Variants in NRG1 observed in about 807,000 individuals in gnomAD.
The protein encoded by NRG1 is pro-neuregulin-1, membrane-bound isoform.
Under a neutral mutation model 63.8 loss-of-function variants are expected in NRG1, and 18 were observed. The observed-to-expected ratio is 0.28, with a 90% CI of 0.19 to 0.42. NRG1 has a LOEUF of 0.42. Among genes scored for constraint, NRG1 ranks in the 10% least tolerant of loss-of-function variants. NRG1 has a pLI of 1.00. For missense variants in NRG1, 762 were observed against 814.7 expected (o/e 0.94, Z 0.79); for synonymous variants, 302 against 301.3 (o/e 1.00, Z -0.02).
At chr8:32,626,564 C>T (rs1849317476) in intron 5 of NRG1, among the ~76,000 whole-genome samples, 2 of 151,894 alleles carry the variant, frequency 1.3e-5, no homozygotes, top group Non-Finnish European at 2.9e-5. Flanking sequence ...CCTGTAGTCC[C>T]AGCTACTGGG....
At chr8:32,200,126 A>G (rs1331228690) in intron 1 of NRG1, among the ~76,000 whole-genome samples, 8 of 152,098 alleles carry the variant, frequency 5.3e-5, no homozygotes, top group African/African-American at 1.9e-4. Context: ...TTGTCTTATT[A>G]CTTTGATAAT....
chr8:32,293,207 T>C (rs922083475), intron 1 of NRG1, among the ~76,000 whole-genome samples: 3 of 152,226 alleles, frequency 2.0e-5, no homozygotes, highest in African/African-American at 7.2e-5. Flanking sequence ...TGATAAAATA[T>C]ATGATTTAGT....
At chr8:32,127,020 T>C (rs11998291) in intron 1 of NRG1, among the ~76,000 whole-genome samples, 8,656 of 151,886 alleles carry the variant, frequency 0.057, 864 homozygotes, top group African/African-American at 0.2. Context: ...ATGAAAAGTT[T>C]ATGACTAGTT....
At chr8:32,700,988 G>A (rs867715695) in intron 5 of NRG1, among the ~76,000 whole-genome samples, 3 of 151,912 alleles carry the variant, frequency 2.0e-5, no homozygotes, top group Admixed American at 1.3e-4. Context: ...AACCCAATCC[G>A]CACACCTCCC....
intron 1 of NRG1, among the ~76,000 whole-genome samples, chr8:31,695,561 C>T (rs569954164): frequency 1.3e-5 from 2 of 152,304 alleles, no homozygotes; most frequent in East Asian, 3.9e-4. Flanking sequence ...TTCCATGACC[C>T]AATCACTTCC....
chr8:32,001,979 G>A (rs1182201354), intron 1 of NRG1, among the ~76,000 whole-genome samples: 1 of 151,910 alleles, frequency 6.6e-6, no homozygotes, highest in Non-Finnish European at 1.5e-5. Context: ...AAGGAGTCAG[G>A]AATTACTGTC....
intron 1 of NRG1, among the ~76,000 whole-genome samples, chr8:32,146,320 C>T (rs1039410020): frequency 6.6e-6 from 1 of 152,146 alleles, no homozygotes; most frequent in Admixed American, 6.5e-5. Context: ...TACTGAATAG[C>T]TTTGTTGATT....
At chr8:32,603,397 A>C (rs1436816652) in intron 2 of NRG1, among the ~76,000 whole-genome samples, 1 of 152,194 alleles carries the variant, frequency 6.6e-6, no homozygotes, top group African/African-American at 2.4e-5. Flanking sequence ...AATATTTTCC[A>C]AATTTATTTG....
At chr8:32,155,478 A>T (rs116059901) in intron 1 of NRG1, among the ~76,000 whole-genome samples, 1,845 of 152,304 alleles carry the variant, frequency 0.012, 42 homozygotes, top group African/African-American at 0.042. Context: ...TATACACTAT[A>T]TAATCTTGCA....
intron 1 of NRG1, among the ~76,000 whole-genome samples, chr8:31,787,449 A>G (rs1210683740): frequency 3.9e-5 from 6 of 152,154 alleles, no homozygotes; most frequent in Non-Finnish European, 7.3e-5. Flanking sequence ...CTTTGCAAAT[A>G]CCACACAACT....
chr8:31,980,174 A>G (rs1808847492), intron 1 of NRG1, among the ~76,000 whole-genome samples: 1 of 152,036 alleles, frequency 6.6e-6, no homozygotes, highest in African/African-American at 2.4e-5. Flanking sequence ...AACTTAGTTA[A>G]CAGCTTTAAT....
At chr8:32,339,286 T>A (rs573606491) in intron 1 of NRG1, among the ~76,000 whole-genome samples, 10 of 152,152 alleles carry the variant, frequency 6.6e-5, no homozygotes, top group Non-Finnish European at 1.2e-4. Context: ...ATTGTAATGA[T>A]AAAAACTTAC....
intron 1 of NRG1, among the ~76,000 whole-genome samples, chr8:31,977,160 G>A (rs1586207682): frequency 6.6e-6 from 1 of 152,208 alleles, no homozygotes; most frequent in Non-Finnish European, 1.5e-5. Flanking sequence ...AAAAGCAGCT[G>A]TACAGAACCA....
At chr8:32,307,589 TTGTGTGTGTGTGTG>T (rs371611530) in intron 1 of NRG1, among the ~76,000 whole-genome samples, 6 of 93,490 alleles carry the variant, frequency 6.4e-5, no homozygotes, top group African/African-American at 2.1e-4. Context: ...ACCCAGGGGT[TTGTGTGTGTGTGTG>T]TGTGTGTGTG....
At chr8:31,893,129 T>G (rs1216333250) in intron 1 of NRG1, among the ~76,000 whole-genome samples, 1 of 150,762 alleles carries the variant, frequency 6.6e-6, no homozygotes. Context: ...ATATATGTAT[T>G]GTTTAATATA....
At chr8:31,839,696 GA>G (rs1826010999) in intron 1 of NRG1, among the ~76,000 whole-genome samples, 1 of 152,136 alleles carries the variant, frequency 6.6e-6, no homozygotes, top group African/African-American at 2.4e-5. Context: ...GTCACAAAAT[GA>G]AAACAGGAAA....
chr8:31,773,156 C>A (rs1818797026), intron 1 of NRG1, among the ~76,000 whole-genome samples: 1 of 152,012 alleles, frequency 6.6e-6, no homozygotes, highest in African/African-American at 2.4e-5. Context: ...TGGTATTGGC[C>A]CATGGATGGG....
At chr8:32,165,873 A>C (rs1182994388) in intron 1 of NRG1, among the ~76,000 whole-genome samples, 1 of 152,144 alleles carries the variant, frequency 6.6e-6, no homozygotes, top group Non-Finnish European at 1.5e-5. Flanking sequence ...AGTATCATTC[A>C]TTGCCCCGAA....
chr8:32,299,318 C>T (rs1855319323), intron 1 of NRG1, among the ~76,000 whole-genome samples: 1 of 152,132 alleles, frequency 6.6e-6, no homozygotes, highest in South Asian at 2.1e-4. Flanking sequence ...ACATACATCT[C>T]AGGCAGTGCC....
Sources: gnomAD v4.1 joint callset for allele counts (sites outside exome capture counted in the v4.1 genomes callset) on GRCh38, gnomAD v4.1.1 for gene constraint, MANE v1.5 for transcripts, NCBI Gene and HGNC (gene_info 2026-07-23, HGNC 2026-07-21) for gene names.